RAG1: variants seen among roughly 807,000 people sequenced by gnomAD.
RAG1 encodes the protein V(D)J recombination-activating protein 1.
In RAG1, 35 loss-of-function variants were observed where a neutral mutation model predicts 62.7. The observed-to-expected ratio is 0.56, with a 90% CI of 0.43 to 0.74. The LOEUF is 0.74. Among genes scored for constraint, RAG1 ranks in the 30% least tolerant of loss-of-function variants. The probability of loss-of-function intolerance (pLI) is 0.00; values close to 1 mark genes in which losing one functional copy is unlikely to be tolerated. For missense variants in RAG1, 1,169 were observed against 1,278.6 expected (o/e 0.91, Z 1.31); for synonymous variants, 461 against 470.3 (o/e 0.98, Z 0.26).
chr11:36,534,897 G>C (rs1409771143), intron 2 of RAG1, among the ~76,000 whole-genome samples: 1 of 152,122 alleles, frequency 6.6e-6, no homozygotes, highest in Non-Finnish European at 1.5e-5. Flanking sequence ...CAGTTCTAAT[G>C]TGGTAGTGTT....
chr11:36,529,614 A>G (rs528345525), intron 2 of RAG1, among the ~76,000 whole-genome samples: 3 of 152,206 alleles, frequency 2.0e-5, no homozygotes, highest in Non-Finnish European at 2.9e-5. Context: ...CGCCACTCCT[A>G]TTCAATATGG....
intron 3 of RAG1, among the ~76,000 whole-genome samples, chr11:36,547,808 C>A (rs769736137): frequency 2.6e-5 from 4 of 152,140 alleles, no homozygotes; most frequent in Non-Finnish European, 4.4e-5. Context: ...CAAAACCTGA[C>A]AGAGACTCAA....
chr11:36,543,575 G>A (rs1032714608), intron 3 of RAG1, among the ~76,000 whole-genome samples: 10 of 152,146 alleles, frequency 6.6e-5, no homozygotes, highest in Non-Finnish European at 8.8e-5. Flanking sequence ...TGGGCACAGG[G>A]GCCCTTCTTG....
chr11:36,561,598 G>A (rs532078399), intron 3 of RAG1, among the ~76,000 whole-genome samples: 3 of 152,144 alleles, frequency 2.0e-5, no homozygotes, highest in African/African-American at 7.2e-5. Context: ...CCTATGAGGT[G>A]GGCATCATGC....
intron 2 of RAG1, among the ~76,000 whole-genome samples, chr11:36,531,057 AG>A (rs1860246239): frequency 1.1e-4 from 1 of 9,512 alleles, no homozygotes. Flanking sequence ...TGATAGATTA[AG>A]GGTTTTTTTT....
chr11:36,574,092 T>G lies in RAG1; in HGVS notation c.788T>G (p.Met263Arg), dbSNP rs1564988585. ...AQARISSKDV[M>R]KKIANCSKIH... ...GCAAGGATCAGCAGCAAGGATGTCA[T>G]GAAGAAGATCGCCAACTGCAGTAAG... The change falls in exon 2 of 2, where the codon ATG becomes AGG. Residue 263 changes from methionine (M) to arginine (R), a missense_variant. By Grantham distance (91) the Met-to-Arg change is moderately conservative (BLOSUM62 -1). This residue lies in a region of RAG1 where 369 missense variants were observed against 335.3 expected (regional missense o/e 1.10). Transcript: ENST00000299440. 6.2e-7 allele frequency: 1 copy of G among 1,614,198 alleles called. No individual in the cohort carries two copies. The highest frequency in any genetic ancestry group is 8.5e-7 in the Non-Finnish European group (1 of 1,180,040).
chr11:36,577,063 A>G lies in RAG1; in HGVS notation c.*627A>G, dbSNP rs1322490118. ...GTTACATCAGGACAACTTTGAGAAA[A>G]TCAGTCCTTTTTTATGTTTAAATTA... On this transcript the variant is annotated 3_prime_UTR_variant, in exon 2 of 2. Coordinates refer to ENST00000299440, the MANE Select transcript of RAG1 (RefSeq NM_000448.3). 2.4e-5 allele frequency: 4 copies of G among 167,724 alleles called. No homozygotes were observed. The highest frequency in any genetic ancestry group is 5.8e-5 in the Non-Finnish European group (4 of 68,650). The allele number at this position is 167,724 out of a possible 1,614,324, so 10.4% of individuals were successfully genotyped here. A position where few individuals can be genotyped will look rare whatever the true frequency, so the allele number is the denominator to read the frequency against.
At position 36,573,330 on chromosome 11, in the gene RAG1, T is replaced by G; in HGVS notation, c.26T>G (p.Leu9Trp). The G allele has an allele frequency of 1.9e-6, 3 of 1,614,238 alleles. No individual in the cohort carries two copies. The highest frequency in any genetic ancestry group is 1.3e-5 in the African/African-American group (1 of 75,074). ...ATGGCAGCCTCTTTCCCACCCACCTTGGGACTCAGTTCTGCCCCAGATGAA... is the reference window on the plus strand; with the variant it reads ...ATGGCAGCCTCTTTCCCACCCACCTGGGGACTCAGTTCTGCCCCAGATGAA... MAASFPPTLGLSSAPDEIQ... is the reference protein window; with the variant it reads MAASFPPTWGLSSAPDEIQ... Residue 9 changes from leucine (L) to tryptophan (W), a missense_variant, in exon 2 of 2, where the codon TTG (leucine) becomes TGG (tryptophan). By Grantham distance (61) the Leu-to-Trp change is moderately conservative (BLOSUM62 -2). Coordinates refer to ENST00000299440, the MANE Select transcript of RAG1 (RefSeq NM_000448.3).
intron 3 of RAG1, among the ~76,000 whole-genome samples, chr11:36,558,998 GGGCT>G (rs1352166946): frequency 2.0e-5 from 3 of 152,056 alleles, no homozygotes; most frequent in Non-Finnish European, 4.4e-5. Flanking sequence ...TTCAGATATA[GGGCT>G]CCCTTAATCA....
intron 2 of RAG1, among the ~76,000 whole-genome samples, chr11:36,526,227 T>G (rs1860159881): frequency 6.8e-6 from 1 of 146,528 alleles, no homozygotes; most frequent in Admixed American, 6.8e-5. Flanking sequence ...AATGCTATCC[T>G]TCCCCCCTCC....
intron 3 of RAG1, among the ~76,000 whole-genome samples, chr11:36,559,806 C>T (rs1425372881): frequency 6.6e-6 from 1 of 152,092 alleles, no homozygotes; most frequent in Non-Finnish European, 1.5e-5. Flanking sequence ...TCTGTATTTG[C>T]TTGTATCTTG....
intron 1 of RAG1, chr11:36,511,153 A>G (rs1384290580): frequency 6.6e-6 from 1 of 152,238 alleles, no homozygotes; most frequent in Admixed American, 6.5e-5. Context: ...ATGTAAAGAA[A>G]TTATTTAAAA....
intron 3 of RAG1, among the ~76,000 whole-genome samples, chr11:36,559,295 TTC>T (rs1179952102): frequency 6.6e-6 from 1 of 152,222 alleles, no homozygotes; most frequent in African/African-American, 2.4e-5. Context: ...GTTTTTACAC[TTC>T]TCTCTTTGTC....
chr11:36,517,927 T>C (rs1174238187), intron 1 of RAG1, among the ~76,000 whole-genome samples: 5 of 151,832 alleles, frequency 3.3e-5, no homozygotes, highest in African/African-American at 4.8e-5. Context: ...CATGTTGGTG[T>C]GCTGCACCCA....
chr11:36,560,550 C>G (rs1007924338), intron 3 of RAG1, among the ~76,000 whole-genome samples: 1 of 152,150 alleles, frequency 6.6e-6, no homozygotes, highest in African/African-American at 2.4e-5. Flanking sequence ...ATTGGTGGCT[C>G]TGCTCTCAGC....
At position 36,548,214 on chromosome 11, in the gene RAG1, C is replaced by G. The variant is rs148515665; in HGVS notation, c.-412+12180C>G. Among the ~76,000 whole-genome samples, 1,296 of 152,274 alleles carry G rather than the reference C, an allele frequency of 8.5e-3. 18 individuals carry two copies. The highest frequency in any genetic ancestry group is 0.03 in the African/African-American group (1,242 of 41,546). On this transcript the variant is annotated intron_variant and NMD_transcript_variant, in intron 3 of 9. Transcript: ENST00000534663. ...GAAGCATTTCCTTTGAAAACTGGCA[C>G]AAGACAAGGATGCCCTCCCTCACCA...
intron 1 of RAG1, among the ~76,000 whole-genome samples, chr11:36,570,709 C>CGA (rs1375571439): frequency 1.3e-5 from 2 of 152,180 alleles, no homozygotes; most frequent in Non-Finnish European, 2.9e-5. Flanking sequence ...TGGATACAAT[C>CGA]TATTTTAACT....
At chr11:36,532,557 T>C (rs1860271683) in intron 2 of RAG1, among the ~76,000 whole-genome samples, 1 of 152,200 alleles carries the variant, frequency 6.6e-6, no homozygotes, top group African/African-American at 2.4e-5. Flanking sequence ...CTTTCTGTGG[T>C]TTCAGTTATC....
intron 1 of RAG1, chr11:36,511,135 GA>G (rs2133686391): frequency 6.6e-6 from 1 of 152,302 alleles, no homozygotes; most frequent in South Asian, 2.1e-4. Context: ...GGAAGGATGA[GA>G]TAAAATATGT....
Sources: allele counts gnomAD v4.1 joint callset (sites outside exome capture counted in the v4.1 genomes callset), GRCh38; gene constraint gnomAD v4.1.1; regional missense constraint gnomAD v4.1.1; transcripts MANE v1.5; gene names NCBI Gene and HGNC (gene_info 2026-07-23, HGNC 2026-07-21).